The following INPP5D variants were observed in gnomAD, a reference collection of about 807,000 sequenced individuals.
INPP5D encodes the protein phosphatidylinositol 3,4,5-trisphosphate 5-phosphatase 1.
In INPP5D, 33 loss-of-function variants were observed where a neutral mutation model predicts 122.9. The observed-to-expected ratio is 0.27, with a 90% CI of 0.20 to 0.36. INPP5D has a LOEUF of 0.36. INPP5D is among the 10% of genes least tolerant of loss of function. The pLI is 1.00. For missense variants in INPP5D, 1,053 were observed against 1,412.7 expected (o/e 0.75, Z 4.08); for synonymous variants, 584 against 576.2 (o/e 1.01, Z -0.19).
intron 5 of INPP5D, 69 bp downstream of exon 5, chr2:233,130,717 C>A: frequency 2.0e-6 from 3 of 1,515,132 alleles, no homozygotes; most frequent in Middle Eastern, 1.7e-4. Flanking sequence ...CTCATGAGAG[C>A]GACCTCTGCC....
At chr2:233,077,931 G>T (rs999973596) in intron 1 of INPP5D, among the ~76,000 whole-genome samples, 2 of 151,970 alleles carry the variant, frequency 1.3e-5, no homozygotes, top group African/African-American at 4.8e-5. Context: ...TGGAGTGCCT[G>T]TACCTGAGGG....
Position 233,060,433 on chromosome 2 carries a change from G to C in INPP5D, c.-46G>C, listed in dbSNP as rs770035772. 6.5e-7 allele frequency: 1 copy of C among 1,549,626 alleles called. No individual in the cohort carries two copies. The highest frequency in any genetic ancestry group is 8.7e-7 in the Non-Finnish European group (1 of 1,144,728). The stretch of plus-strand genomic sequence containing the variant: ...CTCCGCTCCCCTCGGTGGTGTGTGG[G>C]TCCTGGGGGTGCCTGCCGGCCCGGC... On this transcript the variant is annotated 5_prime_UTR_variant, in exon 1 of 27. Transcript: ENST00000445964.
chr2:233,150,615 C>T (rs1280315375), intron 9 of INPP5D, among the ~76,000 whole-genome samples: 2 of 152,162 alleles, frequency 1.3e-5, no homozygotes, highest in African/African-American at 4.8e-5. Context: ...GAAACACCTC[C>T]CAGGGTTCTC....
At chr2:233,106,855 CT>C (rs1409578518) in intron 2 of INPP5D, among the ~76,000 whole-genome samples, 1 of 152,224 alleles carries the variant, frequency 6.6e-6, no homozygotes, top group Non-Finnish European at 1.5e-5. Context: ...CATTGTCATC[CT>C]TGTCCCCTTG....
At chr2:233,119,603 GACAC>G (rs541603590) in intron 2 of INPP5D, among the ~76,000 whole-genome samples, 17 of 148,042 alleles carry the variant, frequency 1.1e-4, no homozygotes, top group African/African-American at 3.7e-4. Context: ...TACTAACTAA[GACAC>G]ACACACACAC....
rs113389798 is a variant in INPP5D at position 233,128,206 on chromosome 2, C to T, written c.524+2287C>T. ...ACGCCTCTTAGGAGAATCTAACTAA[C>T]GCCTGATGATCTGAGATGGAGCAGT... is the stretch of plus-strand genomic sequence containing the variant. On this transcript the variant is annotated intron_variant, in intron 4 of 26. Transcript: ENST00000445964. The surrounding 1 kb of genome is among the most constrained non-coding windows in gnomAD (Gnocchi z 4.5). Among the ~76,000 whole-genome samples the T allele has an allele frequency of 9.4e-3, 1,434 of 152,254 alleles. 8 individuals carry two copies. The highest frequency in any genetic ancestry group is 0.013 in the African/African-American group (557 of 41,548).
intron 2 of INPP5D, among the ~76,000 whole-genome samples, chr2:233,120,087 G>A (rs1472102544): frequency 6.6e-6 from 1 of 152,172 alleles, no homozygotes; most frequent in Non-Finnish European, 1.5e-5. Flanking sequence ...CAGGCGATGG[G>A]TCCCATTCCC....
At chr2:233,165,324 TGA>T (rs1176647622) in intron 13 of INPP5D, among the ~76,000 whole-genome samples, 2 of 152,182 alleles carry the variant, frequency 1.3e-5, no homozygotes, top group African/African-American at 2.4e-5. Context: ...AGTCCGTGTA[TGA>T]GTGTACCACC....
At chr2:233,133,139 C>T (rs1353949823) in intron 5 of INPP5D, among the ~76,000 whole-genome samples, 4 of 152,012 alleles carry the variant, frequency 2.6e-5, no homozygotes, top group African/African-American at 9.7e-5. Flanking sequence ...TGCCTTGTTG[C>T]CCAGGCTGGT....
At chr2:233,190,859 A>T (rs1459329858) in intron 22 of INPP5D, among the ~76,000 whole-genome samples, 1 of 152,186 alleles carries the variant, frequency 6.6e-6, no homozygotes, top group Non-Finnish European at 1.5e-5. Context: ...GGCAGTAGGG[A>T]GCCATTGAAG....
At chr2:233,107,345 T>C (rs1022114599) in intron 2 of INPP5D, among the ~76,000 whole-genome samples, 44 of 152,148 alleles carry the variant, frequency 2.9e-4, no homozygotes, top group Admixed American at 2.8e-3. Flanking sequence ...AGGCCCCCAT[T>C]GGCTATCTTG....
intron 2 of INPP5D, among the ~76,000 whole-genome samples, chr2:233,099,287 C>A (rs1243708732): frequency 6.6e-6 from 1 of 152,168 alleles, no homozygotes; most frequent in Non-Finnish European, 1.5e-5. Context: ...TCCTAAACTT[C>A]CCATGGCTAC....
chr2:233,174,727 G>T (rs1694574173), intron 17 of INPP5D, among the ~76,000 whole-genome samples: 1 of 150,540 alleles, frequency 6.6e-6, no homozygotes, highest in Non-Finnish European at 1.5e-5. Context: ...GGCAGACAGA[G>T]GTTGCAGTGA....
chr2:233,166,285 C>G (rs1694337099), intron 13 of INPP5D, among the ~76,000 whole-genome samples: 2 of 152,238 alleles, frequency 1.3e-5, no homozygotes, highest in South Asian at 4.1e-4. Flanking sequence ...ACCCCCTCAG[C>G]CAGACCAGTT....
At chr2:233,138,342 G>C (rs1198624386) in intron 5 of INPP5D, among the ~76,000 whole-genome samples, 1 of 144,944 alleles carries the variant, frequency 6.9e-6, no homozygotes, top group Non-Finnish European at 1.5e-5. Context: ...AATATGTAAA[G>C]TTTATAACAC....
At position 233,128,715 on chromosome 2, in the gene INPP5D, T is replaced by G. The variant is rs1287001579; in HGVS notation, c.525-1793T>G. 6.6e-6 allele frequency among the ~76,000 whole-genome samples: 1 copy of G among 152,022 alleles called. No individual in the cohort carries two copies. The highest frequency in any genetic ancestry group is 1.5e-5 in the Non-Finnish European group (1 of 67,998). On this transcript the variant is annotated intron_variant, in intron 4 of 26. Transcript: ENST00000445964. The surrounding 1 kb of genome is among the most constrained non-coding windows in gnomAD (Gnocchi z 4.5). ...CTGGCCTTGAACTCCTGACCTCAGG[T>G]GATCTGCCCACCTCTGCCTCCCAAA... is the stretch of plus-strand genomic sequence containing the variant.
chr2:233,072,591 CA>C (rs1418855412), intron 1 of INPP5D, among the ~76,000 whole-genome samples: 1 of 152,200 alleles, frequency 6.6e-6, no homozygotes, highest in Non-Finnish European at 1.5e-5. Flanking sequence ...CACTTCTTCT[CA>C]ATGCCATTTA....
chr2:233,136,084 G>A (rs1272853035), intron 5 of INPP5D, among the ~76,000 whole-genome samples: 3 of 152,200 alleles, frequency 2.0e-5, no homozygotes, highest in African/African-American at 7.2e-5. Flanking sequence ...GGCACAGAGT[G>A]GAGTAATCAA....
intron 1 of INPP5D, 128 bp downstream of exon 1, chr2:233,060,740 C>T (rs1353193943): frequency 3.1e-6 from 4 of 1,276,686 alleles, no homozygotes; most frequent in Non-Finnish European, 4.4e-6. Flanking sequence ...CCCCGCCACC[C>T]TGTCATGGAC....
Sources: allele counts gnomAD v4.1 joint callset (sites outside exome capture counted in the v4.1 genomes callset), GRCh38; gene constraint gnomAD v4.1.1; non-coding constraint Gnocchi (gnomAD v3.1); transcripts MANE v1.5; gene names NCBI Gene and HGNC (gene_info 2026-07-23, HGNC 2026-07-21).